ZNF804B: variants seen among roughly 807,000 people sequenced by gnomAD.
The protein encoded by ZNF804B is zinc finger protein 804B.
In ZNF804B, 80 loss-of-function variants were observed where a neutral mutation model predicts 101.4. That is an observed-to-expected ratio of 0.79 (90% CI 0.66 to 0.95). ZNF804B has a LOEUF of 0.95. Among genes scored for constraint, ZNF804B ranks in the 40% least tolerant of loss-of-function variants. The pLI is 0.00. For synonymous variants in ZNF804B, 622 were observed against 558.8 expected (o/e 1.11, Z -1.59); for missense variants, 1,673 against 1,561.9 (o/e 1.07, Z -1.20).
intron 1 of ZNF804B, among the ~76,000 whole-genome samples, chr7:89,011,569 C>A (rs1788463003): frequency 6.6e-6 from 1 of 152,108 alleles, no homozygotes; most frequent in South Asian, 2.1e-4. Flanking sequence ...TACAGCTGTT[C>A]CAAATGGGAG....
chr7:89,143,342 T>C (rs1162896123), intron 1 of ZNF804B, among the ~76,000 whole-genome samples: 1 of 151,814 alleles, frequency 6.6e-6, no homozygotes, highest in Non-Finnish European at 1.5e-5. Context: ...TCCTTTAGGA[T>C]GGATGGAGTT....
chr7:89,051,184 G>A (rs1455450587), intron 1 of ZNF804B, among the ~76,000 whole-genome samples: 5 of 151,968 alleles, frequency 3.3e-5, no homozygotes, highest in Admixed American at 6.6e-5. Flanking sequence ...TTGCCTGTGT[G>A]TAGGTGTGTG....
intron 2 of ZNF804B, among the ~76,000 whole-genome samples, chr7:89,225,665 G>C (rs949682494): frequency 1.3e-5 from 2 of 151,962 alleles, no homozygotes; most frequent in Non-Finnish European, 2.9e-5. Context: ...AAACATATGG[G>C]GTGCCTAATC....
chr7:88,814,329 A>G lies in ZNF804B; in HGVS notation c.108+54245A>G, dbSNP rs144530490. On this transcript the variant is annotated intron_variant, in intron 1 of 3. Transcript: ENST00000333190. Reference sequence around the variant, plus strand: ...TGTAGACTCTTTGGAATAATGTGTTATTTTAATTCTTACATGACTCTGTTA... The same window carrying G: ...TGTAGACTCTTTGGAATAATGTGTTGTTTTAATTCTTACATGACTCTGTTA... Among the ~76,000 whole-genome samples the G allele has an allele frequency of 5.9e-5, 9 of 152,172 alleles. 1 individual carries two copies. Among genetic ancestry groups the G allele is most frequent in the African/African-American group, 1.9e-4 (8 of 41,528 alleles).
rs147428906 is a variant in ZNF804B, at chr7:89,036,470, A to G, written c.109-181685A>G. 9.0e-3 allele frequency among the ~76,000 whole-genome samples: 1,366 copies of G among 152,050 alleles called. 13 individuals are homozygous for G. Among genetic ancestry groups the G allele is most frequent in the African/African-American group, 0.031 (1,282 of 41,510 alleles). On this transcript the variant is annotated intron_variant, in intron 1 of 3. Coordinates refer to ENST00000333190, the MANE Select transcript of ZNF804B (RefSeq NM_181646.5). The stretch of plus-strand genomic sequence containing the variant: ...GGGATTCCTTCTTCCTGCTTCTCCT[A>G]CCCCAGCAACTAAATTTAAATAAAG...
At chr7:89,069,985 T>TTTCC (rs1168420053) in intron 1 of ZNF804B, among the ~76,000 whole-genome samples, 1 of 152,192 alleles carries the variant, frequency 6.6e-6, no homozygotes, top group Non-Finnish European at 1.5e-5. Flanking sequence ...ATTAAGTGTA[T>TTTCC]TTCCCTTGGG....
chr7:89,313,893 T>A (rs1332613277), intron 2 of ZNF804B, among the ~76,000 whole-genome samples: 1 of 152,124 alleles, frequency 6.6e-6, no homozygotes, highest in Non-Finnish European at 1.5e-5. Flanking sequence ...GTAACTACTC[T>A]CCAGAACTAT....
chr7:89,189,261 T>G (rs1388006351), intron 1 of ZNF804B, among the ~76,000 whole-genome samples: 1 of 151,750 alleles, frequency 6.6e-6, no homozygotes, highest in African/African-American at 2.4e-5. Context: ...GCCCTATTAC[T>G]CAGAAAAAAA....
rs1053954611 is a variant in ZNF804B, at chr7:88,922,920, T to A, written c.108+162836T>A. On this transcript the variant is annotated intron_variant, in intron 1 of 3. Transcript: ENST00000333190. ...ATCTCTAAAATTGGAAAAATATATT[T>A]GAGTATCAATGAAGGAAATAAAACT... is the stretch of plus-strand genomic sequence containing the variant. Among the ~76,000 whole-genome samples, 3 of 152,182 alleles carry A rather than the reference T, an allele frequency of 2.0e-5. No homozygotes were observed. The South Asian group carries it at 6.2e-4, about 32-fold the overall frequency.
At chr7:89,285,062 T>A (rs533456007) in intron 2 of ZNF804B, among the ~76,000 whole-genome samples, 18 of 151,174 alleles carry the variant, frequency 1.2e-4, no homozygotes, top group East Asian at 2.0e-4. Flanking sequence ...AATTTAAATT[T>A]AAAAAAAATA....
At chr7:89,122,859 C>G (rs769318620) in intron 1 of ZNF804B, among the ~76,000 whole-genome samples, 5 of 152,116 alleles carry the variant, frequency 3.3e-5, no homozygotes, top group Non-Finnish European at 7.4e-5. Context: ...AACTTTGAAC[C>G]ATTTTCATAT....
chr7:88,863,260 T>C (rs1474766875), intron 1 of ZNF804B, among the ~76,000 whole-genome samples: 3 of 152,214 alleles, frequency 2.0e-5, no homozygotes, highest in Non-Finnish European at 4.4e-5. Context: ...TTAATACTTA[T>C]TTATCCTGAT....
chr7:88,929,055 T>C (rs185388216), intron 1 of ZNF804B, among the ~76,000 whole-genome samples: 1 of 152,116 alleles, frequency 6.6e-6, no homozygotes, highest in African/African-American at 2.4e-5. Context: ...ATATTACCAA[T>C]CCTCAGAATA....
intron 1 of ZNF804B, among the ~76,000 whole-genome samples, chr7:88,808,832 C>T (rs913762393): frequency 9.2e-5 from 14 of 152,150 alleles, no homozygotes; most frequent in African/African-American, 2.7e-4. Context: ...GAGTTAAGAA[C>T]TCAACCATTG....
At chr7:88,862,840 C>T (rs2115860308) in intron 1 of ZNF804B, among the ~76,000 whole-genome samples, 1 of 152,208 alleles carries the variant, frequency 6.6e-6, no homozygotes, top group East Asian at 1.9e-4. Flanking sequence ...ATTCACTATC[C>T]TGCACTCTGC....
rs73397195 is a variant in ZNF804B at position 89,236,131 on chromosome 7, T to A, written c.249+17836T>A. 4.2e-3 allele frequency among the ~76,000 whole-genome samples: 647 copies of A among 152,240 alleles called. 1 individual carries two copies. The highest frequency in any genetic ancestry group is 0.015 in the African/African-American group (605 of 41,552). ...ATCATTACTTGGCCTCCATATTTGA[T>A]TAAATTCAATCAACATTTATTTAGC... On this transcript the variant is annotated intron_variant, in intron 2 of 3. Transcript: ENST00000333190.
At position 88,759,921 on chromosome 7, in the gene ZNF804B, T is replaced by C. The variant is rs1789865216; in HGVS notation, c.-56T>C. 6.6e-7 allele frequency: 1 copy of C among 1,520,412 alleles called. No individual in the cohort carries two copies. The highest frequency in any genetic ancestry group is 1.4e-5 in the African/African-American group (1 of 73,150). 94.2% of individuals were successfully genotyped at this position (1,520,412 alleles called of 1,614,324 possible). A position where few individuals can be genotyped will look rare whatever the true frequency, so the allele number is the denominator to read the frequency against. On this transcript the variant is annotated 5_prime_UTR_variant, in exon 1 of 4. Transcript: ENST00000333190. Reference sequence around the variant, plus strand: ...TTGCCGCTGAGAAACCCGCCCGCTTTCCACGGCTGGTCGCCTGGTGAGGAG... The same window carrying C: ...TTGCCGCTGAGAAACCCGCCCGCTTCCCACGGCTGGTCGCCTGGTGAGGAG...
At chr7:88,800,690 ATTTG>A (rs888856790) in intron 1 of ZNF804B, among the ~76,000 whole-genome samples, 1 of 96,812 alleles carries the variant, frequency 1.0e-5, no homozygotes, top group Non-Finnish European at 2.0e-5. Flanking sequence ...AATAGATATG[ATTTG>A]TGTGTGTGTG....
At chr7:89,137,131 C>A (rs1387679312) in intron 1 of ZNF804B, among the ~76,000 whole-genome samples, 2 of 151,812 alleles carry the variant, frequency 1.3e-5, no homozygotes, top group Non-Finnish European at 2.9e-5. Context: ...TAAATTGGTA[C>A]CAGTAGAGTG....
Sources: allele counts gnomAD v4.1 joint callset (sites outside exome capture counted in the v4.1 genomes callset), GRCh38; gene constraint gnomAD v4.1.1; transcripts MANE v1.5; gene names NCBI Gene and HGNC (gene_info 2026-07-23, HGNC 2026-07-21).